C11orf65: variants seen among roughly 807,000 people sequenced by gnomAD.
C11orf65 encodes chromosome 11 open reading frame 65, also known as protein MFI.
C11orf65 carries 38 observed loss-of-function variants against 35.3 expected under a neutral mutation model. The observed-to-expected ratio is 1.08, with a 90% CI of 0.83 to 1.41. C11orf65 has a LOEUF of 1.41. Ranked by LOEUF, C11orf65 falls within the 40% of genes most tolerant of loss-of-function variation. C11orf65 has a pLI of 0.00. For missense variants in C11orf65, 370 were observed against 367.1 expected, an observed-to-expected ratio of 1.01 and a Z score of -0.06; for synonymous variants, 105 against 114.4, an observed-to-expected ratio of 0.92 and a Z score of 0.53.
At chr11:108,464,766 G>A (rs2135796405) in intron 1 of C11orf65, among the ~76,000 whole-genome samples, 1 of 152,260 alleles carries the variant, frequency 6.6e-6, no homozygotes, top group East Asian at 1.9e-4. Flanking sequence ...GGTTCGGAAA[G>A]GGAAGAGATG....
At chr11:108,408,545 G>A (rs574205223) in intron 3 of C11orf65, among the ~76,000 whole-genome samples, 35 of 151,478 alleles carry the variant, frequency 2.3e-4, no homozygotes, top group African/African-American at 6.8e-4. Flanking sequence ...GTGTGGTGTC[G>A]GATGCCTGTA....
chr11:108,427,327 TAAAC>T (rs2092916470), intron 3 of C11orf65, among the ~76,000 whole-genome samples: 1 of 135,366 alleles, frequency 7.4e-6, no homozygotes, highest in Admixed American at 7.4e-5. Flanking sequence ...ATAAGGAACT[TAAAC>T]AAATTTACAA....
chr11:108,465,915 G>A (rs2093530031), intron 1 of C11orf65, among the ~76,000 whole-genome samples: 1 of 151,668 alleles, frequency 6.6e-6, no homozygotes, highest in Non-Finnish European at 1.5e-5. Flanking sequence ...AACCTGGCAG[G>A]CGGAGGTTGC....
intron 2 of C11orf65, among the ~76,000 whole-genome samples, chr11:108,339,306 T>C (rs2087222003): frequency 6.6e-6 from 1 of 152,204 alleles, no homozygotes; most frequent in African/African-American, 2.4e-5. Flanking sequence ...GAAAGGAGCT[T>C]TGCACTTAAC....
intron 1 of C11orf65, among the ~76,000 whole-genome samples, chr11:108,463,924 ATTT>A (rs10677306): frequency 6.8e-5 from 9 of 132,394 alleles, no homozygotes; most frequent in African/African-American, 1.4e-4. Context: ...AGATTTGTTA[ATTT>A]TTTTTTTTTT....
At chr11:108,419,661 C>G (rs1565672548) in intron 3 of C11orf65, among the ~76,000 whole-genome samples, 1 of 152,254 alleles carries the variant, frequency 6.6e-6, no homozygotes, top group East Asian at 1.9e-4. Flanking sequence ...ATGATGGCAC[C>G]AATGCACTCC....
At chr11:108,340,917 T>C (rs1488872320) in intron 2 of C11orf65, among the ~76,000 whole-genome samples, 1 of 152,210 alleles carries the variant, frequency 6.6e-6, no homozygotes, top group Non-Finnish European at 1.5e-5. Context: ...TTTTATTTTT[T>C]ATTGTATTGT....
intron 2 of C11orf65, among the ~76,000 whole-genome samples, chr11:108,433,241 T>TTATATA (rs572182230): frequency 2.8e-4 from 41 of 148,786 alleles, no homozygotes; most frequent in African/African-American, 9.6e-4. Flanking sequence ...AAAAAAAAAT[T>TTATATA]TATATATATA....
At chr11:108,445,300 C>T (rs12274473) in intron 2 of C11orf65, among the ~76,000 whole-genome samples, 4,038 of 152,300 alleles carry the variant, frequency 0.027, 198 homozygotes, top group African/African-American at 0.092. Context: ...AATGGGCAGA[C>T]TGCCTCCTCA....
intron 3 of C11orf65, among the ~76,000 whole-genome samples, chr11:108,423,187 G>GT (rs970145094): frequency 2.0e-4 from 30 of 152,110 alleles, no homozygotes; most frequent in Admixed American, 1.6e-3. Context: ...GCTAGCTGCA[G>GT]TTTTTTTTCA....
Position 108,365,102 on chromosome 11 carries a change from CTT to C in C11orf65, c.226+28104_226+28105del, listed in dbSNP as rs864622669. ...TTTAGGTCCTTCTATATGATCCACT[CTT>C]TGACTGGACCATGAATCCTTTGAAA... On this transcript the variant is annotated intron_variant, in intron 2 of 3. Coordinates refer to the C11orf65 transcript ENST00000524755. 2 of 1,614,180 alleles carry C rather than the reference CTT, an allele frequency of 1.2e-6. No homozygotes were observed. Among genetic ancestry groups the C allele is most frequent in the Admixed American group, 1.7e-5 (1 of 60,022 alleles).
rs114177953 is a variant in C11orf65 at position 108,409,470 on chromosome 11, G to T, written c.175-2321C>A. On this transcript the variant is annotated intron_variant, in intron 3 of 8. Transcript: ENST00000393084. ...ATTTTGACTACAATGGTGTGAAAGTGATATGCATTCAGTAGAAATCATACT... is the reference window on the plus strand; with the variant it reads ...ATTTTGACTACAATGGTGTGAAAGTTATATGCATTCAGTAGAAATCATACT... 5.8e-3 allele frequency among the ~76,000 whole-genome samples: 883 copies of T among 152,232 alleles called. 12 individuals are homozygous for T. Among genetic ancestry groups the T allele is most frequent in the African/African-American group, 0.02 (818 of 41,538 alleles).
chr11:108,428,814 A>C (rs980571630), intron 3 of C11orf65, among the ~76,000 whole-genome samples: 1 of 152,176 alleles, frequency 6.6e-6, no homozygotes, highest in Non-Finnish European at 1.5e-5. Flanking sequence ...AGTATTAAAA[A>C]ACAAACAAAC....
chr11:108,346,659 A>G (rs566223601), intron 2 of C11orf65: 4 of 154,296 alleles, frequency 2.6e-5, no homozygotes, highest in African/African-American at 9.6e-5. Flanking sequence ...TAAACAAGAA[A>G]GTAGGCCTAG....
At chr11:108,460,748 TTGTTGC>T (rs763183790) in intron 2 of C11orf65, among the ~76,000 whole-genome samples, 14 of 152,004 alleles carry the variant, frequency 9.2e-5, no homozygotes, top group African/African-American at 2.2e-4. Flanking sequence ...GTTGTTGTTG[TTGTTGC>T]TGCTGCTGCT....
In C11orf65 at chr11:108,365,414, T is replaced by A. The variant is rs1565609286; in HGVS notation, c.226+27794A>T. The A allele has an allele frequency of 6.2e-7, 1 of 1,614,212 alleles. No individual in the cohort carries two copies. Among genetic ancestry groups the A allele is most frequent in the Non-Finnish European group, 8.5e-7 (1 of 1,180,036 alleles). On this transcript the variant is annotated intron_variant, in intron 2 of 3. Transcript: ENST00000524755. ...AAAGGAGTGGAAGAAGGCACTGTGC[T>A]CAGTGTTGGTGGACAAGTGAATTTG... is the stretch of plus-strand genomic sequence containing the variant.
intron 8 of C11orf65, among the ~76,000 whole-genome samples, chr11:108,385,677 G>A (rs1019177411): frequency 3.1e-4 from 30 of 96,350 alleles, no homozygotes; most frequent in Admixed American, 2.3e-4. Context: ...GCAAGACTCC[G>A]TCTCAAAAAA....
intron 2 of C11orf65, among the ~76,000 whole-genome samples, chr11:108,363,580 G>T (rs2091035285): frequency 6.6e-6 from 1 of 152,122 alleles, no homozygotes; most frequent in Admixed American, 6.5e-5. Context: ...CTACTGGGTA[G>T]AGGCCAGGGA....
chr11:108,353,996 G>GT, intron 2 of C11orf65: 1 of 1,029,032 alleles, frequency 9.7e-7, no homozygotes, highest in Non-Finnish European at 1.5e-6. Flanking sequence ...TGGGAGGATT[G>GT]TTTGAGCCCA....
Sources: allele counts gnomAD v4.1 joint callset (sites outside exome capture counted in the v4.1 genomes callset), GRCh38; gene constraint gnomAD v4.1.1; transcripts MANE v1.5; gene names NCBI Gene and HGNC (gene_info 2026-07-23, HGNC 2026-07-21).